The following PDE1B variants were observed in gnomAD, a reference collection of about 807,000 sequenced individuals.
The protein encoded by PDE1B is phosphodiesterase 1B.
PDE1B carries 13 observed loss-of-function variants against 66.7 expected under a neutral mutation model. That is an observed-to-expected ratio of 0.19 (90% CI 0.13 to 0.31). PDE1B has a LOEUF of 0.31. Ranked by LOEUF, PDE1B falls within the 10% of genes least tolerant of loss-of-function variation. The probability of loss-of-function intolerance (pLI) is 1.00; values close to 1 mark genes in which losing one functional copy is unlikely to be tolerated. For synonymous variants in PDE1B, 230 were observed against 253.9 expected (o/e 0.91, Z 0.90); for missense variants, 485 against 682.3 (o/e 0.71, Z 3.22).
rs140798717 is a variant in PDE1B, at chr12:54,577,211, A to T, written c.1508-14A>T. On this transcript the variant is annotated splice_polypyrimidine_tract_variant and intron_variant, in intron 14 of 15. Coordinates refer to ENST00000243052, the MANE Select transcript of PDE1B (RefSeq NM_000924.4). ...TCTTGGCCTAAGCTCAGCCTCCTTT[A>T]TGCTCCTCTACAGGCATCACCAACC... is the stretch of plus-strand genomic sequence containing the variant. 5 of 1,607,514 alleles carry T rather than the reference A, an allele frequency of 3.1e-6. No individual in the cohort carries two copies. Among genetic ancestry groups the T allele is most frequent in the Non-Finnish European group, 4.3e-6 (5 of 1,174,670 alleles).
chr12:54,566,542 A>G (rs1402187581), intron 2 of PDE1B, among the ~76,000 whole-genome samples: 1 of 152,154 alleles, frequency 6.6e-6, no homozygotes, highest in Non-Finnish European at 1.5e-5. Context: ...CTTGATTGCT[A>G]TTGATCCCAA....
intron 2 of PDE1B, among the ~76,000 whole-genome samples, chr12:54,560,635 A>T (rs1452253831): frequency 6.6e-6 from 1 of 152,132 alleles, no homozygotes; most frequent in Non-Finnish European, 1.5e-5. Context: ...GGAGCTGCAG[A>T]GGCTGGGTTC....
chr12:54,567,306 C>A (rs188396685), intron 3 of PDE1B, among the ~76,000 whole-genome samples: 32 of 151,672 alleles, frequency 2.1e-4, no homozygotes, highest in Admixed American at 3.9e-4. Flanking sequence ...GAGTTTGAGA[C>A]CAGCCTGGGC....
chr12:54,575,912 C>A lies in PDE1B; in HGVS notation c.1268-80C>A. ...CCTCTTTCATAAGCAGCCAGGGGTC[C>A]TGGCCATGCCAGCTGCATGCTCTGC... On this transcript the variant is annotated intron_variant, in intron 12 of 15. Transcript: ENST00000243052. The surrounding 1 kb of genome is among the most constrained non-coding windows in gnomAD (Gnocchi z 4.0). The A allele has an allele frequency of 9.3e-7, 1 of 1,072,050 alleles. No homozygotes were observed. Among genetic ancestry groups the A allele is most frequent in the Non-Finnish European group, 1.5e-6 (1 of 689,544 alleles). 66.4% of individuals were successfully genotyped at this position (1,072,050 alleles called of 1,614,324 possible).
chr12:54,552,303 C>A (rs1957289419), intron 2 of PDE1B, among the ~76,000 whole-genome samples: 1 of 152,218 alleles, frequency 6.6e-6, no homozygotes, highest in African/African-American at 2.4e-5. Context: ...AAATAAAGAT[C>A]CCCCTGCCCC....
In PDE1B at chr12:54,573,337, T is replaced by G. The variant is rs1957653157; in HGVS notation, c.837-18T>G. 6.2e-7 allele frequency: 1 copy of G among 1,614,054 alleles called. No individual in the cohort carries two copies. The highest frequency in any genetic ancestry group is 8.5e-7 in the Non-Finnish European group (1 of 1,180,018). On this transcript the variant is annotated intron_variant, in intron 8 of 15. Coordinates refer to ENST00000243052, the MANE Select transcript of PDE1B (RefSeq NM_000924.4). This position sits in a 1 kb window ranked among gnomAD's most constrained non-coding sequence, Gnocchi z 5.2. The stretch of plus-strand genomic sequence containing the variant: ...CCCTCCTTACAGGGGGTGGTCATGA[T>G]GACCTTTGGCTTTGTAGGTCAGAAT...
Position 54,566,985 on chromosome 12 carries a change from T to A in PDE1B, c.125T>A (p.Met42Lys). The change falls in exon 3 of 16, where the codon ATG becomes AAG. Residue 42 changes from methionine (M) to lysine (K), a missense_variant. Transcript: ENST00000243052. ...TCTGCTCCCTGCAGGCTGCGCTACA[T>A]GGTGAAGCAGTTGGAGAATGGGGAG... ...WIKLRSLLRY[M>K]VKQLENGEIN... 1 of 1,608,384 alleles carries A rather than the reference T, an allele frequency of 6.2e-7. No homozygotes were observed. Among genetic ancestry groups the A allele is most frequent in the Non-Finnish European group, 8.5e-7 (1 of 1,175,668 alleles).
intron 3 of PDE1B, among the ~76,000 whole-genome samples, chr12:54,568,012 C>G (rs919830116): frequency 6.6e-6 from 1 of 152,128 alleles, no homozygotes; most frequent in African/African-American, 2.4e-5. Context: ...TGTGCCACTA[C>G]GCCCAGCTAA....
At chr12:54,551,347 C>T (rs1423524313) in intron 2 of PDE1B, among the ~76,000 whole-genome samples, 1 of 152,202 alleles carries the variant, frequency 6.6e-6, no homozygotes, top group Non-Finnish European at 1.5e-5. Flanking sequence ...CTCAGTCCTC[C>T]TCCTTGGCTG....
At chr12:54,577,443 C>G (rs1475276695) in intron 15 of PDE1B, 98 bp downstream of exon 15, 3 of 1,606,670 alleles carry the variant, frequency 1.9e-6, no homozygotes, top group Non-Finnish European at 2.5e-6. Context: ...CATTCTCTCT[C>G]CCCTTTTGAG....
At chr12:54,577,742 G>A (rs1957788710) in intron 15 of PDE1B, 118 bp from the exon 16 acceptor site, 2 of 509,724 alleles carry the variant, frequency 3.9e-6, no homozygotes, top group East Asian at 3.2e-5. Flanking sequence ...CCCTTCTGAA[G>A]GGCATTTTTT....
intron 2 of PDE1B, among the ~76,000 whole-genome samples, chr12:54,550,951 G>A (rs898974187): frequency 6.6e-5 from 10 of 152,152 alleles, no homozygotes; most frequent in African/African-American, 2.4e-4. Flanking sequence ...GGAAATCTCC[G>A]CAGTCTGTTG....
Position 54,549,792 on chromosome 12 carries a change from G to A in PDE1B, c.-14+20G>A. 2.7e-6 allele frequency: 3 copies of A among 1,104,166 alleles called. No homozygotes were observed. Among genetic ancestry groups the A allele is most frequent in the Admixed American group, 1.8e-5 (1 of 55,094 alleles). 68.4% of individuals were successfully genotyped at this position (1,104,166 alleles called of 1,614,324 possible). Reference sequence around the variant, plus strand: ...CCGCAGGTGGGAAGGGCCTGGGATGGGGGGTGAGGGTCTCTCGGCTGGGGC... The same window carrying A: ...CCGCAGGTGGGAAGGGCCTGGGATGAGGGGTGAGGGTCTCTCGGCTGGGGC... On this transcript the variant is annotated intron_variant, in intron 1 of 15. Coordinates refer to ENST00000243052, the MANE Select transcript of PDE1B (RefSeq NM_000924.4).
intron 3 of PDE1B, 59 bp downstream of exon 3, chr12:54,567,146 A>C: frequency 1.1e-6 from 1 of 871,214 alleles, no homozygotes; most frequent in Non-Finnish European, 1.9e-6. Flanking sequence ...TTCCAGAGAG[A>C]GGGGTTAAGA....
chr12:54,574,187 C>T (rs531166430), intron 10 of PDE1B: 2 of 183,980 alleles, frequency 1.1e-5, no homozygotes, highest in South Asian at 2.4e-4. Context: ...GCCATAATTA[C>T]ATCTAATGTT....
At chr12:54,550,704 G>A (rs1957264927) in intron 2 of PDE1B, among the ~76,000 whole-genome samples, 1 of 152,128 alleles carries the variant, frequency 6.6e-6, no homozygotes, top group South Asian at 2.1e-4. Context: ...TTAATCAGAG[G>A]CTTTTTGTTT....
At position 54,569,288 on chromosome 12, in the gene PDE1B, C is replaced by T; in HGVS notation, c.332C>T (p.Ala111Val). 2 of 1,613,978 alleles carry T rather than the reference C, an allele frequency of 1.2e-6. No individual in the cohort carries two copies. The highest frequency in any genetic ancestry group is 8.5e-7 in the Non-Finnish European group (1 of 1,179,968). The change falls in exon 4 of 16, where the codon GCC becomes GTC. Residue 111 changes from alanine to valine, a missense_variant. Transcript: ENST00000243052. This position sits in a 1 kb window ranked among gnomAD's most constrained non-coding sequence, Gnocchi z 4.4. Reference sequence around the variant, plus strand: ...TCCACCTTCACCCAGCAGGCCCGGGCCAAAGGCCGCCGAGCAGAGGAGAAG... The same window carrying T: ...TCCACCTTCACCCAGCAGGCCCGGGTCAAAGGCCGCCGAGCAGAGGAGAAG... ...LASTFTQQAR[A>V]KGRRAEEKPK... is the part of the protein sequence containing the mutation.
At chr12:54,560,350 G>A (rs1428477074) in intron 2 of PDE1B, among the ~76,000 whole-genome samples, 1 of 152,110 alleles carries the variant, frequency 6.6e-6, no homozygotes. Flanking sequence ...CTAGCTCTTG[G>A]CCTGTGTCTT....
At position 54,573,856 on chromosome 12, in the gene PDE1B, T is replaced by TGTGAGAGA. The variant is rs1555175895; in HGVS notation, c.1064+148_1064+149insTGAGAGAG. 3 of 464,014 alleles carry TGTGAGAGA rather than the reference T, an allele frequency of 6.5e-6. No individual in the cohort carries two copies. The highest frequency in any genetic ancestry group is 2.5e-5 in the African/African-American group (1 of 40,086). 28.7% of individuals were successfully genotyped at this position (464,014 alleles called of 1,614,324 possible). A position where few individuals can be genotyped will look rare whatever the true frequency, so the allele number is the denominator to read the frequency against. ...TCAGGTATCAGACTGCATCTCTATG[T>TGTGAGAGA]GAGAGAGAGAGAGAGTGTGTGTGTG... On this transcript the variant is annotated intron_variant, in intron 10 of 15. Transcript: ENST00000243052. The surrounding 1 kb of genome is among the most constrained non-coding windows in gnomAD (Gnocchi z 5.2).
Sources: gnomAD v4.1 joint callset for allele counts (sites outside exome capture counted in the v4.1 genomes callset) on GRCh38, gnomAD v4.1.1 for gene constraint, Gnocchi (gnomAD v3.1) non-coding constraint, MANE v1.5 for transcripts, NCBI Gene and HGNC (gene_info 2026-07-23, HGNC 2026-07-21) for gene names.